SLFN13: variants seen among roughly 807,000 people sequenced by gnomAD.
SLFN13 encodes the protein schlafen family member 13.
A neutral mutation model predicts 50.6 loss-of-function variants in SLFN13; 43 were observed. The ratio of observed to expected loss-of-function variants is 0.85; its 90% CI spans 0.67 to 1.09. The LOEUF is 1.09. Among genes scored for constraint, SLFN13 ranks in the 50% least tolerant of loss-of-function variants. The pLI is 0.00. For missense variants in SLFN13, 881 were observed against 1,071.1 expected, an observed-to-expected ratio of 0.82 and a Z score of 2.48; for synonymous variants, 339 against 386.5, an observed-to-expected ratio of 0.88 and a Z score of 1.44.
intron 4 of SLFN13, among the ~76,000 whole-genome samples, chr17:35,443,432 G>C (rs1223595967): frequency 1.3e-5 from 2 of 152,166 alleles, no homozygotes; most frequent in African/African-American, 4.8e-5. Context: ...TCCCCTTGTA[G>C]TTGTACTAGA....
In SLFN13 at chr17:35,436,305, A is replaced by C. The variant is rs1325749858; in HGVS notation, c.*4290T>G. 1 of 152,166 alleles carries C rather than the reference A, an allele frequency of 6.6e-6. No individual in the cohort carries two copies. The highest frequency in any genetic ancestry group is 1.9e-4 in the East Asian group (1 of 5,208). The allele number at this position is 152,166 out of a possible 1,614,324, so 9.4% of individuals were successfully genotyped here. ...GATCCACGAGTTAAACACTTTTTTA[A>C]TTCCAAAAGATATGAACATTTTTCT... On this transcript the variant is annotated 3_prime_UTR_variant, in exon 6 of 6. Coordinates refer to ENST00000285013, the MANE Select transcript of SLFN13 (RefSeq NM_144682.6).
In SLFN13 at chr17:35,444,996, T is replaced by C; in HGVS notation, c.685A>G (p.Ile229Val). Residue 229 changes from isoleucine (I) to valine (V), a missense_variant, in exon 3 of 6, where the codon ATA becomes GTA. Physicochemically the swap from Ile to Val is conservative, Grantham distance 29 (BLOSUM62 3). This residue lies in a region of SLFN13 where 497 missense variants were observed against 518.3 expected (regional missense o/e 0.96). Transcript: ENST00000285013. Reference sequence around the variant, plus strand: ...AATGCAGAGATGTACTCTGGAATTATATTTTCTACATATTGTTGGATATGT... The same window carrying C: ...AATGCAGAGATGTACTCTGGAATTACATTTTCTACATATTGTTGGATATGT... Reference protein sequence around the residue: ...TKHIQQYVENIIPEYISAFAN... With the variant: ...TKHIQQYVENVIPEYISAFAN... 2 of 1,614,166 alleles carry C rather than the reference T, an allele frequency of 1.2e-6. No individual in the cohort carries two copies. Among genetic ancestry groups the C allele is most frequent in the Non-Finnish European group, 1.7e-6 (2 of 1,180,022 alleles).
In SLFN13 at chr17:35,441,709, G is replaced by C; in HGVS notation, c.1776C>G (p.Asn592Lys). Residue 592 changes from asparagine (N) to lysine (K), a missense_variant, in exon 5 of 6, where the codon AAC becomes AAG. Physicochemically the swap from Asn to Lys is moderately conservative, Grantham distance 94. Transcript: ENST00000285013. ...YEIFSRSLRKNRELFVHGLPG... is the reference protein window; with the variant it reads ...YEIFSRSLRKKRELFVHGLPG... ...GTAAGCCGTGGACAAACAACTCTCT[G>C]TTCTTGCGGAGGCTTCTGGAGAATA... 1 of 1,593,376 alleles carries C rather than the reference G, an allele frequency of 6.3e-7. No homozygotes were observed. The highest frequency in any genetic ancestry group is 8.6e-7 in the Non-Finnish European group (1 of 1,168,524).
rs62078111 is a variant in SLFN13 at position 35,442,019 on chromosome 17, C to T, written c.1466G>A (p.Arg489His). The T allele has an allele frequency of 1.9e-4, 308 of 1,597,392 alleles. No homozygotes were observed. Among genetic ancestry groups the T allele is most frequent in the Admixed American group, 1.4e-3 (80 of 58,396 alleles). Residue 489 changes from arginine to histidine, a missense_variant, in exon 5 of 6, where the codon CGC (arginine) becomes CAC (histidine). By Grantham distance (29) the Arg-to-His change is conservative (BLOSUM62 0). This residue lies in a region of SLFN13 where 22 missense variants were observed against 132.0 expected (regional missense o/e 0.17). Transcript: ENST00000285013. The part of the protein sequence containing the change: ...QDAEGQDYCT[R>H]TAFTLKQKLV... ...CTTCTGCTTCAAAGTAAAGGCGGTG[C>T]GAGTGCAGTAGTCCTGGCCCTCTGC...
intron 1 of SLFN13, among the ~76,000 whole-genome samples, chr17:35,447,731 T>C (rs1913289126): frequency 6.6e-6 from 1 of 152,164 alleles, no homozygotes; most frequent in Admixed American, 6.5e-5. Flanking sequence ...AACACAGAGC[T>C]CTTTGTCCTT....
At chr17:35,448,942 C>T (rs1913369948), upstream of SLFN13, 1 of 152,728 alleles carries the variant, frequency 6.5e-6, no homozygotes, top group African/African-American at 2.4e-5. Context: ...GCGGGAGGCT[C>T]GCGCCTATGA....
At chr17:35,449,296 G>T (rs1422557872), upstream of SLFN13, among the ~76,000 whole-genome samples, 1 of 151,372 alleles carries the variant, frequency 6.6e-6, no homozygotes, top group Non-Finnish European at 1.5e-5. Flanking sequence ...TTGCTTTCGA[G>T]TGGTTCTTAG....
rs1913163317 is a variant in SLFN13, at chr17:35,445,486, C to T, written c.195G>A (p.Met65Ile). ...NSGGGVIQME[M>I]ANRDERPTEM... Reference sequence around the variant, plus strand: ...CTGTGGGACGCTCATCCCTGTTGGCCATTTCCATCTGAATCACTCCTCCTC... The same window carrying T: ...CTGTGGGACGCTCATCCCTGTTGGCTATTTCCATCTGAATCACTCCTCCTC... The change falls in exon 3 of 6, where the codon ATG becomes ATA. Residue 65 changes from methionine (M) to isoleucine (I), a missense_variant. Physicochemically the swap from Met to Ile is conservative, Grantham distance 10. Transcript: ENST00000285013. 6.2e-7 allele frequency: 1 copy of T among 1,614,198 alleles called. No homozygotes were observed. Among genetic ancestry groups the T allele is most frequent in the African/African-American group, 1.3e-5 (1 of 75,046 alleles).
In SLFN13 at chr17:35,447,882, T is replaced by TTTG. The variant is rs559963210; in HGVS notation, c.-160-471_-160-469dup. 2.0e-5 allele frequency among the ~76,000 whole-genome samples: 3 copies of TTTG among 151,894 alleles called. No individual in the cohort carries two copies. The South Asian group carries it at 6.3e-4, about 32-fold the overall frequency. ...ATTCTGTTTTGTTGTTTTGTTTTGT[T>TTTG]TTGTTTTGTTTTTGTTTTGATACAA... On this transcript the variant is annotated intron_variant, in intron 1 of 5. Coordinates refer to ENST00000285013, the MANE Select transcript of SLFN13 (RefSeq NM_144682.6).
chr17:35,444,551 A>T, intron 3 of SLFN13, 64 bp downstream of exon 3: 1 of 1,403,510 alleles, frequency 7.1e-7, no homozygotes, highest in Admixed American at 2.1e-5. Context: ...TAGAGAATAA[A>T]GAAGGAAGTG....
In SLFN13 at chr17:35,445,668, G is replaced by C. The variant is rs1290429548; in HGVS notation, c.13C>G (p.His5Asp). Residue 5 changes from histidine (H) to aspartate (D), a missense_variant, in exon 3 of 6, where the codon CAC becomes GAC. Coordinates refer to ENST00000285013, the MANE Select transcript of SLFN13 (RefSeq NM_144682.6). The part of the protein sequence containing the change: MEAN[H>D]CSLGVYPSYP... ...GATGGATACACACCCAGGGAGCAGTGATTTGCCTCCATGTTGAACTTGCAC... is the reference window on the plus strand; with the variant it reads ...GATGGATACACACCCAGGGAGCAGTCATTTGCCTCCATGTTGAACTTGCAC... 4 of 1,598,800 alleles carry C rather than the reference G, an allele frequency of 2.5e-6. No individual in the cohort carries two copies. The highest frequency in any genetic ancestry group is 2.2e-5 in the East Asian group (1 of 44,630).
rs7216628 is a variant in SLFN13 at position 35,445,533 on chromosome 17, C to G, written c.148G>C (p.Ala50Pro). 6.2e-7 allele frequency: 1 copy of G among 1,614,110 alleles called. No homozygotes were observed. Among genetic ancestry groups the G allele is most frequent in the Admixed American group, 1.7e-5 (1 of 60,018 alleles). ...DQERARVIRA[A>P]CALLNSGGGV... The stretch of plus-strand genomic sequence containing the variant: ...CCTCCTGAGTTTAATAAAGCACACG[C>G]GGCCCGTATAACTCTCGCCCTCTCT... Residue 50 changes from alanine (A) to proline (P), a missense_variant, in exon 3 of 6, where the codon GCG becomes CCG. By Grantham distance (27) the Ala-to-Pro change is conservative. Transcript: ENST00000285013.
At position 35,439,346 on chromosome 17, in the gene SLFN13, C is replaced by G. The variant is rs1912737002; in HGVS notation, c.*1249G>C. Reference sequence around the variant, plus strand: ...CATTCAGTCCATAACAATGGCCCACCAAACTATGAAAGCAAATAGAAAAAA... The same window carrying G: ...CATTCAGTCCATAACAATGGCCCACGAAACTATGAAAGCAAATAGAAAAAA... On this transcript the variant is annotated 3_prime_UTR_variant, in exon 6 of 6. Transcript: ENST00000285013. 6.6e-6 allele frequency: 1 copy of G among 151,904 alleles called. No homozygotes were observed. The highest frequency in any genetic ancestry group is 2.4e-5 in the African/African-American group (1 of 41,340). 9.4% of individuals were successfully genotyped at this position (151,904 alleles called of 1,614,324 possible). A position where few individuals can be genotyped will look rare whatever the true frequency, so the allele number is the denominator to read the frequency against.
intron 2 of SLFN13, 124 bp from the exon 3 acceptor site, chr17:35,445,817 A>G: frequency 1.2e-6 from 1 of 822,536 alleles, no homozygotes. Flanking sequence ...AGCAAGAAAG[A>G]CAGGTATAGT....
At chr17:35,445,773 A>T (rs1261678126) in intron 2 of SLFN13, 80 bp from the exon 3 acceptor site, 1 of 1,161,610 alleles carries the variant, frequency 8.6e-7, no homozygotes, top group African/African-American at 1.5e-5. Context: ...GAAAATATTT[A>T]AAACGTGTCT....
Position 35,445,534 on chromosome 17 carries a change from G to T in SLFN13, c.147C>A (p.Ala49=), listed in dbSNP as rs539895892. 1.2e-6 allele frequency: 2 copies of T among 1,613,956 alleles called. No homozygotes were observed. Among genetic ancestry groups the T allele is most frequent in the Non-Finnish European group, 8.5e-7 (1 of 1,180,002 alleles). The part of the protein sequence containing the change: ...RDQERARVIR[A]ACALLNSGGG... ...CTCCTGAGTTTAATAAAGCACACGC[G>T]GCCCGTATAACTCTCGCCCTCTCTT... Residue 49 remains alanine (A), a synonymous_variant, in exon 3 of 6, where the codon GCC becomes GCA. Transcript: ENST00000285013.
chr17:35,442,211 T>G lies in SLFN13; in HGVS notation c.1274A>C (p.Glu425Ala). 1 of 1,613,822 alleles carries G rather than the reference T, an allele frequency of 6.2e-7. No homozygotes were observed. Among genetic ancestry groups the G allele is most frequent in the Non-Finnish European group, 8.5e-7 (1 of 1,179,794 alleles). The part of the protein sequence containing the change: ...ELSLQHEGLK[E>A]LIHKQMRPFS... ...AGGTCGCATTTGCTTGTGTATTAACTCCTTTAGTCCTTCATGCTGTAAAGA... is the reference window on the plus strand; with the variant it reads ...AGGTCGCATTTGCTTGTGTATTAACGCCTTTAGTCCTTCATGCTGTAAAGA... The change falls in exon 5 of 6, where the codon GAG (glutamate) becomes GCG (alanine). Residue 425 changes from glutamate to alanine, a missense_variant. Glu to Ala is a moderately radical substitution (Grantham distance 107). This residue lies in a region of SLFN13 where 497 missense variants were observed against 518.3 expected (regional missense o/e 0.96). Coordinates refer to ENST00000285013, the MANE Select transcript of SLFN13 (RefSeq NM_144682.6).
rs1425677313 is a variant in SLFN13, at chr17:35,437,276, T to C, written c.*3319A>G. On this transcript the variant is annotated 3_prime_UTR_variant, in exon 6 of 6. Transcript: ENST00000285013. ...ACACGATTATCGCTAACTACAGCCTTGAACTCCTGGAATCAAGCGATCCTC... is the reference window on the plus strand; with the variant it reads ...ACACGATTATCGCTAACTACAGCCTCGAACTCCTGGAATCAAGCGATCCTC... 2.6e-5 allele frequency: 4 copies of C among 152,068 alleles called. No homozygotes were observed. Among genetic ancestry groups the C allele is most frequent in the Non-Finnish European group, 4.4e-5 (3 of 68,036 alleles). 9.4% of individuals were successfully genotyped at this position (152,068 alleles called of 1,614,324 possible).
At chr17:35,448,297 G>A (rs1414301349) in intron 1 of SLFN13, 1 of 152,266 alleles carries the variant, frequency 6.6e-6, no homozygotes, top group African/African-American at 2.4e-5. Context: ...AAGCCTCCAG[G>A]ACGCACTTGG....
Sources: allele counts gnomAD v4.1 joint callset (sites outside exome capture counted in the v4.1 genomes callset), GRCh38; gene constraint gnomAD v4.1.1; regional missense constraint gnomAD v4.1.1; transcripts MANE v1.5; gene names NCBI Gene and HGNC (gene_info 2026-07-23, HGNC 2026-07-21).